PALM2AKAP2: variants seen among roughly 807,000 people sequenced by gnomAD.
PALM2AKAP2 encodes PALM2-AKAP2 fusion protein.
PALM2AKAP2 carries 37 observed loss-of-function variants against 71.5 expected under a neutral mutation model. That is an observed-to-expected ratio of 0.52 (90% confidence interval 0.40 to 0.68). PALM2AKAP2 has a LOEUF of 0.68. Among genes scored for constraint, PALM2AKAP2 ranks in the 30% least tolerant of loss-of-function variants. PALM2AKAP2 has a pLI of 0.00. For synonymous variants in PALM2AKAP2, 468 were observed against 478.8 expected, an observed-to-expected ratio of 0.98 and a Z score of 0.29; for missense variants, 1,224 against 1,191.8, an observed-to-expected ratio of 1.03 and a Z score of -0.40.
intron 3 of PALM2AKAP2, among the ~76,000 whole-genome samples, chr9:110,157,779 A>T (rs748971583): frequency 4.6e-5 from 7 of 152,198 alleles, no homozygotes; most frequent in Non-Finnish European, 1.0e-4. Context: ...TGAAGTTCAC[A>T]GTAAGAATTC....
At chr9:110,040,788 G>T (rs573704000) in intron 7 of PALM2AKAP2, among the ~76,000 whole-genome samples, 68 of 152,282 alleles carry the variant, frequency 4.5e-4, no homozygotes, top group African/African-American at 1.5e-3. Flanking sequence ...GAAGAAATTC[G>T]CTTGGTTGAC....
chr9:110,014,805 TG>T (rs1564260584), intron 6 of PALM2AKAP2, among the ~76,000 whole-genome samples: 4 of 6,316 alleles, frequency 6.3e-4, no homozygotes, highest in East Asian at 7.6e-3. Context: ...AAAAAAAAAA[TG>T]TATATATATA....
intron 6 of PALM2AKAP2, among the ~76,000 whole-genome samples, chr9:110,005,058 T>C (rs538096184): frequency 6.6e-6 from 1 of 152,108 alleles, no homozygotes; most frequent in East Asian, 1.9e-4. Flanking sequence ...CCAGCTTTGT[T>C]CCATTGCTGG....
chr9:110,007,854 G>C (rs927085605), intron 6 of PALM2AKAP2, among the ~76,000 whole-genome samples: 1 of 152,204 alleles, frequency 6.6e-6, no homozygotes, highest in Non-Finnish European at 1.5e-5. Context: ...TTTCAACAAA[G>C]TTTGGACAGC....
intron 2 of PALM2AKAP2, among the ~76,000 whole-genome samples, chr9:110,141,790 C>T (rs1836037374): frequency 6.6e-6 from 1 of 152,182 alleles, no homozygotes; most frequent in Admixed American, 6.5e-5. Context: ...TGGTAGAAAT[C>T]ATGCTGGTGG....
At chr9:109,682,361 A>T (rs922094146) in intron 1 of PALM2AKAP2, among the ~76,000 whole-genome samples, 1 of 152,192 alleles carries the variant, frequency 6.6e-6, no homozygotes, top group Admixed American at 6.5e-5. Flanking sequence ...CCTTGTACAT[A>T]ATGCACTAGG....
At chr9:110,086,578 A>T (rs553957897) in intron 1 of PALM2AKAP2, among the ~76,000 whole-genome samples, 126 of 152,330 alleles carry the variant, frequency 8.3e-4, no homozygotes, top group African/African-American at 3.0e-3. Context: ...CATTGGGCTC[A>T]TGACCCCATA....
At chr9:109,963,421 C>T (rs746224087) in intron 6 of PALM2AKAP2, among the ~76,000 whole-genome samples, 4 of 152,220 alleles carry the variant, frequency 2.6e-5, no homozygotes, top group Admixed American at 1.3e-4. Context: ...GAATTTATAA[C>T]CAGCCCATCC....
At chr9:110,144,524 T>C (rs990172181) in intron 2 of PALM2AKAP2, among the ~76,000 whole-genome samples, 17 of 152,204 alleles carry the variant, frequency 1.1e-4, no homozygotes, top group Admixed American at 3.9e-4. Flanking sequence ...CCTCAACTCT[T>C]GAGGCCGGAT....
chr9:109,866,658 C>T (rs1286688256), intron 1 of PALM2AKAP2, among the ~76,000 whole-genome samples: 2 of 152,192 alleles, frequency 1.3e-5, no homozygotes, highest in East Asian at 1.9e-4. Flanking sequence ...ACATTGAGCA[C>T]TTACTCTGTG....
intron 1 of PALM2AKAP2, among the ~76,000 whole-genome samples, chr9:109,816,112 G>C (rs1487508209): frequency 6.6e-6 from 1 of 152,180 alleles, no homozygotes; most frequent in East Asian, 1.9e-4. Flanking sequence ...AAGATCCCTG[G>C]ACAGTGTTGA....
chr9:109,815,231 G>A (rs958843563), intron 1 of PALM2AKAP2, among the ~76,000 whole-genome samples: 1 of 152,186 alleles, frequency 6.6e-6, no homozygotes, highest in African/African-American at 2.4e-5. Context: ...CAAGGGGATG[G>A]TTGATGTTGA....
At chr9:109,739,250 AATTT>A (rs1295531574) in intron 1 of PALM2AKAP2, among the ~76,000 whole-genome samples, 4 of 152,224 alleles carry the variant, frequency 2.6e-5, no homozygotes, top group South Asian at 4.1e-4. Context: ...TAAGCATTGA[AATTT>A]ATTTAAGAAA....
At chr9:109,914,380 G>C (rs1830638908) in intron 3 of PALM2AKAP2, among the ~76,000 whole-genome samples, 1 of 152,240 alleles carries the variant, frequency 6.6e-6, no homozygotes, top group Admixed American at 6.5e-5. Flanking sequence ...AGGATGCTGA[G>C]AGATGTGGCC....
At chr9:109,791,298 A>G (rs1827106344) in intron 1 of PALM2AKAP2, among the ~76,000 whole-genome samples, 1 of 152,244 alleles carries the variant, frequency 6.6e-6, no homozygotes, top group Admixed American at 6.5e-5. Context: ...GGCAAAGTTG[A>G]AAGTAATGTA....
intron 1 of PALM2AKAP2, among the ~76,000 whole-genome samples, chr9:109,793,616 A>G (rs977805104): frequency 6.6e-6 from 1 of 152,226 alleles, no homozygotes; most frequent in African/African-American, 2.4e-5. Flanking sequence ...AATTGATTTT[A>G]GATAGCAGCT....
chr9:110,060,671 G>A (rs1432069345), intron 1 of PALM2AKAP2, among the ~76,000 whole-genome samples: 2 of 152,012 alleles, frequency 1.3e-5, no homozygotes, highest in African/African-American at 2.4e-5. Context: ...GCGCGATCTC[G>A]GCTCACTGCA....
intron 6 of PALM2AKAP2, among the ~76,000 whole-genome samples, chr9:110,009,492 A>G (rs1423254217): frequency 6.6e-6 from 1 of 152,078 alleles, no homozygotes; most frequent in Non-Finnish European, 1.5e-5. Context: ...AGGCGGGTGG[A>G]TCACGAGGTC....
rs1053368977 is a variant in PALM2AKAP2 at position 110,025,329 on chromosome 9, GCCT to G, written c.582+9292_582+9294del. 9.2e-6 allele frequency: 11 copies of G among 1,190,578 alleles called. No individual in the cohort carries two copies. In the African/African-American group the frequency reaches 1.6e-4, roughly 18 times the overall value. The allele number at this position is 1,190,578 out of a possible 1,614,324, so 73.8% of individuals were successfully genotyped here. A position where few individuals can be genotyped will look rare whatever the true frequency, so the allele number is the denominator to read the frequency against. ...AAGGCCTAGAGAACATATGTCGGGA[GCCT>G]CTCCTCTTTCCCTTTGTGTTCGTCA... On this transcript the variant is annotated intron_variant, in intron 7 of 9. Transcript: ENST00000302798.
Sources: allele counts gnomAD v4.1 joint callset (sites outside exome capture counted in the v4.1 genomes callset), GRCh38; gene constraint gnomAD v4.1.1; transcripts MANE v1.5; gene names NCBI Gene and HGNC (gene_info 2026-07-23, HGNC 2026-07-21).